Variants in PRKCD observed in about 807,000 individuals in gnomAD.
The protein encoded by PRKCD is protein kinase C delta.
PRKCD carries 20 observed loss-of-function variants against 82.2 expected under a neutral mutation model. The ratio of observed to expected loss-of-function variants is 0.24; its 90% CI spans 0.17 to 0.35. PRKCD has a LOEUF of 0.35. Ranked by LOEUF, PRKCD falls within the 10% of genes least tolerant of loss-of-function variation. The probability of loss-of-function intolerance (pLI) is 1.00; values close to 1 mark genes in which losing one functional copy is unlikely to be tolerated. For synonymous variants in PRKCD, 317 were observed against 337.0 expected (o/e 0.94, Z 0.65); for missense variants, 607 against 899.0 (o/e 0.68, Z 4.15).
At chr3:53,185,892 G>T (rs1703660292) in intron 11 of PRKCD, 35 bp from the exon 12 acceptor site, 1 of 1,609,114 alleles carries the variant, frequency 6.2e-7, no homozygotes, top group Admixed American at 1.7e-5. Flanking sequence ...TGTAGACTGA[G>T]ACCCCGATCT....
At chr3:53,180,938 C>G (rs1445947679) in intron 4 of PRKCD, among the ~76,000 whole-genome samples, 2 of 151,964 alleles carry the variant, frequency 1.3e-5, no homozygotes, top group African/African-American at 2.4e-5. Flanking sequence ...CCTTCCCGCT[C>G]TATTCCCCAG....
intron 2 of PRKCD, among the ~76,000 whole-genome samples, chr3:53,178,009 G>T (rs1458546956): frequency 6.7e-6 from 1 of 148,246 alleles, no homozygotes; most frequent in South Asian, 2.1e-4. Flanking sequence ...GTACTGGTGC[G>T]ATCTTGGCTC....
intron 1 of PRKCD, among the ~76,000 whole-genome samples, chr3:53,162,383 C>T (rs1702700265): frequency 1.3e-5 from 2 of 152,196 alleles, no homozygotes. Flanking sequence ...CCCCACCGAG[C>T]CCCGCCTTAA....
intron 2 of PRKCD, among the ~76,000 whole-genome samples, chr3:53,172,182 AACC>A (rs1465907288): frequency 1.3e-5 from 2 of 151,984 alleles, no homozygotes; most frequent in Non-Finnish European, 2.9e-5. Flanking sequence ...CTGGTGGAGG[AACC>A]CTAAAGGGTC....
Position 53,178,479 on chromosome 3 carries a change from C to T in PRKCD, c.57C>T (p.Ala19=), listed in dbSNP as rs377115507. 4.2e-5 allele frequency: 68 copies of T among 1,613,110 alleles called. No homozygotes were observed. Among genetic ancestry groups the T allele is most frequent in the Middle Eastern group, 3.6e-4 (2 of 5,588 alleles). ...FNSYELGSLQ[A]EDEANQPFCA... is the part of the protein sequence containing the mutation. ...CCTATGAGCTGGGCTCCCTGCAGGCCGAGGACGAGGCGAACCAGCCCTTCT... is the reference window on the plus strand; with the variant it reads ...CCTATGAGCTGGGCTCCCTGCAGGCTGAGGACGAGGCGAACCAGCCCTTCT... Residue 19 remains alanine (A), a synonymous_variant, in exon 3 of 19, where the codon GCC becomes GCT. Transcript: ENST00000330452.
At chr3:53,187,640 C>T (rs1458830191) in intron 15 of PRKCD, among the ~76,000 whole-genome samples, 1 of 152,172 alleles carries the variant, frequency 6.6e-6, no homozygotes, top group Non-Finnish European at 1.5e-5. Flanking sequence ...CACCATCGCC[C>T]CACCCATCCT....
chr3:53,178,283 G>T, intron 2 of PRKCD, 121 bp from the exon 3 acceptor site: 2 of 589,976 alleles, frequency 3.4e-6, no homozygotes, highest in East Asian at 2.9e-5. Flanking sequence ...GTGTGTGTGT[G>T]CATCATGTGG....
chr3:53,176,694 C>T (rs546820065), intron 2 of PRKCD, among the ~76,000 whole-genome samples: 90 of 152,310 alleles, frequency 5.9e-4, no homozygotes, highest in African/African-American at 1.9e-3. Flanking sequence ...CTGAGGAGCC[C>T]CTTGGAGTCA....
intron 9 of PRKCD, among the ~76,000 whole-genome samples, chr3:53,184,171 A>G (rs1351282841): frequency 6.6e-6 from 1 of 151,660 alleles, no homozygotes; most frequent in Non-Finnish European, 1.5e-5. Context: ...TCTCTACTAA[A>G]AAAATACAAA....
chr3:53,162,088 C>T (rs1160375099), intron 1 of PRKCD, among the ~76,000 whole-genome samples: 2 of 151,948 alleles, frequency 1.3e-5, no homozygotes, highest in Non-Finnish European at 2.9e-5. Context: ...GAGTCTTTCT[C>T]GGTCCCTTCA....
intron 18 of PRKCD, among the ~76,000 whole-genome samples, chr3:53,191,775 A>G (rs1703933317): frequency 6.6e-6 from 1 of 152,218 alleles, no homozygotes; most frequent in African/African-American, 2.4e-5. Flanking sequence ...TTTTCCAACC[A>G]TTTAAAAATG....
At position 53,187,321 on chromosome 3, in the gene PRKCD, A is replaced by G. The variant is rs531039700; in HGVS notation, c.1353-19A>G. 11 of 1,613,990 alleles carry G rather than the reference A, an allele frequency of 6.8e-6. No homozygotes were observed. In the South Asian group the frequency reaches 8.8e-5, roughly 13 times the overall value. On this transcript the variant is annotated intron_variant, in intron 14 of 18. Coordinates refer to ENST00000330452, the MANE Select transcript of PRKCD (RefSeq NM_006254.4). ...CTCGGCAGAGATCCCGGAACACTTTATCCCTCTCTCTTGCCCAGGTTTTAT... is the reference window on the plus strand; with the variant it reads ...CTCGGCAGAGATCCCGGAACACTTTGTCCCTCTCTCTTGCCCAGGTTTTAT...
At chr3:53,165,375 C>T (rs1247349988) in intron 2 of PRKCD, among the ~76,000 whole-genome samples, 160 bp downstream of exon 2, 3 of 152,218 alleles carry the variant, frequency 2.0e-5, no homozygotes, top group Non-Finnish European at 4.4e-5. Flanking sequence ...AGCTGTTTGC[C>T]CTGTCTATGA....
intron 14 of PRKCD, among the ~76,000 whole-genome samples, chr3:53,187,074 T>C (rs1253970709): frequency 5.3e-5 from 8 of 152,190 alleles, no homozygotes; most frequent in African/African-American, 1.7e-4. Flanking sequence ...TGTGTGTGTG[T>C]GTGCATGCAT....
intron 2 of PRKCD, among the ~76,000 whole-genome samples, chr3:53,166,651 C>T (rs1026910752): frequency 6.6e-6 from 1 of 152,260 alleles, no homozygotes; most frequent in East Asian, 1.9e-4. Flanking sequence ...ACATACCGCA[C>T]TGTGCCCATT....
At chr3:53,162,957 C>A (rs1277743105) in intron 1 of PRKCD, among the ~76,000 whole-genome samples, 1 of 152,100 alleles carries the variant, frequency 6.6e-6, no homozygotes, top group Non-Finnish European at 1.5e-5. Context: ...CCAGGCCCAC[C>A]TGGTCACTAA....
In PRKCD at chr3:53,188,112, C is replaced by T. The variant is rs60290287; in HGVS notation, c.1416-608C>T. ...CTGAGGCAGGAGAATTGCTTGAACC[C>T]GGGAGGCGGAGGTTGCAGTGAGCTG... On this transcript the variant is annotated intron_variant, in intron 15 of 18. Coordinates refer to ENST00000330452, the MANE Select transcript of PRKCD (RefSeq NM_006254.4). Among the ~76,000 whole-genome samples, 1,002 of 131,130 alleles carry T rather than the reference C, an allele frequency of 7.6e-3. 6 individuals carry two copies. The highest frequency in any genetic ancestry group is 0.025 in the African/African-American group (914 of 36,416). The allele number at this position is 131,130 out of a possible 152,430, so 86.0% of individuals were successfully genotyped here.
At chr3:53,186,784 T>G in intron 14 of PRKCD, 89 bp downstream of exon 14, 3 of 1,329,508 alleles carry the variant, frequency 2.3e-6, no homozygotes, top group Non-Finnish European at 3.1e-6. Context: ...CCATGCCTTC[T>G]TCCCTCTCCC....
intron 2 of PRKCD, among the ~76,000 whole-genome samples, chr3:53,171,477 C>T (rs957887003): frequency 2.0e-5 from 3 of 152,350 alleles, no homozygotes; most frequent in East Asian, 1.9e-4. Context: ...CTGCAGCCTC[C>T]GTTCTCCTCC....
Sources: gnomAD v4.1 joint callset for allele counts (sites outside exome capture counted in the v4.1 genomes callset) on GRCh38, gnomAD v4.1.1 for gene constraint, MANE v1.5 for transcripts, NCBI Gene and HGNC (gene_info 2026-07-23, HGNC 2026-07-21) for gene names.